The following AGBL1 variants were observed in gnomAD, a reference collection of about 807,000 sequenced individuals.
The protein encoded by AGBL1 is AGBL carboxypeptidase 1, also known as cytosolic carboxypeptidase 4.
A neutral mutation model predicts 118.9 loss-of-function variants in AGBL1; 130 were observed. The observed-to-expected ratio is 1.09, with a 90% CI of 0.95 to 1.26. The LOEUF is 1.26. Among genes scored for constraint, AGBL1 ranks in the 50% most tolerant of loss-of-function variants. The pLI is 0.00. For missense variants in AGBL1, 1,584 were observed against 1,298.1 expected, an observed-to-expected ratio of 1.22 and a Z score of -3.38; for synonymous variants, 555 against 478.9, an observed-to-expected ratio of 1.16 and a Z score of -2.08.
chr15:86,213,779 G>C (rs945160862), intron 5 of AGBL1, among the ~76,000 whole-genome samples: 2 of 151,976 alleles, frequency 1.3e-5, no homozygotes, highest in African/African-American at 4.8e-5. Context: ...CCTAAAATTT[G>C]CCGTTTAAAA....
At chr15:86,280,352 C>A (rs1377884011) in intron 16 of AGBL1, among the ~76,000 whole-genome samples, 1 of 152,132 alleles carries the variant, frequency 6.6e-6, no homozygotes, top group Non-Finnish European at 1.5e-5. Flanking sequence ...CAGACAGCCA[C>A]AATCTTTTTA....
chr15:86,979,472 ACTTTCTTTTTTT>A (rs1475713621), intron 23 of AGBL1, among the ~76,000 whole-genome samples: 1 of 151,328 alleles, frequency 6.6e-6, no homozygotes, highest in Non-Finnish European at 1.5e-5. Flanking sequence ...ATGTAGAGGC[ACTTTCTTTTTTT>A]CTTTCTTTTT....
chr15:86,975,602 C>T (rs886865247), intron 23 of AGBL1, among the ~76,000 whole-genome samples: 17 of 152,160 alleles, frequency 1.1e-4, no homozygotes, highest in Non-Finnish European at 8.8e-5. Context: ...GCTCCAACCT[C>T]ATCAGCAAAT....
intron 22 of AGBL1, among the ~76,000 whole-genome samples, chr15:86,895,140 C>G (rs1470964579): frequency 6.6e-6 from 1 of 150,478 alleles, no homozygotes; most frequent in East Asian, 2.0e-4. Context: ...ACTTTCTTCT[C>G]TTTCTCTTTT....
At chr15:86,538,899 G>T (rs1234141971) in intron 19 of AGBL1, among the ~76,000 whole-genome samples, 2 of 152,228 alleles carry the variant, frequency 1.3e-5, no homozygotes, top group Non-Finnish European at 2.9e-5. Context: ...ACTTGCAGAG[G>T]AACTAGAATG....
chr15:86,534,135 G>T (rs201910248), intron 19 of AGBL1, among the ~76,000 whole-genome samples: 244 of 90,222 alleles, frequency 2.7e-3, no homozygotes, highest in Non-Finnish European at 3.4e-3. Flanking sequence ...AAAAAAAAAA[G>T]ATTGTCCTTT....
Position 86,102,042 on chromosome 15 carries a change from T to C in AGBL1, c.51+22019T>C, listed in dbSNP as rs187523086. 2.4e-3 allele frequency among the ~76,000 whole-genome samples: 343 copies of C among 140,604 alleles called. 5 individuals carry two copies. The highest frequency in any genetic ancestry group is 0.015 in the East Asian group (75 of 5,054). 92.2% of individuals were successfully genotyped at this position (140,604 alleles called of 152,430 possible). Reference sequence around the variant, plus strand: ...TTGAATCCTTTCTCTCTCTCTCTCTTTTTTTTTTTTTTAATTGAGATGGAG... The same window carrying C: ...TTGAATCCTTTCTCTCTCTCTCTCTCTTTTTTTTTTTTAATTGAGATGGAG... On this transcript the variant is annotated intron_variant, in intron 1 of 22. Coordinates refer to ENST00000614907, the MANE Select transcript of AGBL1 (RefSeq NM_001386094.1).
intron 22 of AGBL1, among the ~76,000 whole-genome samples, chr15:86,757,240 C>T (rs2141264683): frequency 6.6e-6 from 1 of 152,186 alleles, no homozygotes; most frequent in East Asian, 1.9e-4. Flanking sequence ...CTTGATGTTG[C>T]TATTACTGCT....
At chr15:86,939,000 G>A (rs1430726746) in intron 23 of AGBL1, 1 of 152,392 alleles carries the variant, frequency 6.6e-6, no homozygotes, top group East Asian at 1.9e-4. Flanking sequence ...CACATTCACT[G>A]TCACATCCTT....
chr15:87,028,668 C>T (rs28474944), intron 24 of AGBL1, among the ~76,000 whole-genome samples: 5,566 of 152,016 alleles, frequency 0.037, 333 homozygotes, highest in African/African-American at 0.13. Context: ...ATATCTCTTA[C>T]ATCTCTAATC....
At chr15:86,448,819 G>T (rs1176151421) in intron 18 of AGBL1, among the ~76,000 whole-genome samples, 1 of 152,000 alleles carries the variant, frequency 6.6e-6, no homozygotes, top group African/African-American at 2.4e-5. Flanking sequence ...GTTACTATGG[G>T]ACTTAGTGTG....
chr15:86,455,257 G>T (rs8023429), intron 18 of AGBL1, among the ~76,000 whole-genome samples: 69,745 of 151,968 alleles, frequency 0.46, 16,833 homozygotes, highest in Middle Eastern at 0.57. Flanking sequence ...CATAAATATT[G>T]ATTGAGTAGT....
intron 22 of AGBL1, among the ~76,000 whole-genome samples, chr15:86,801,836 T>A (rs1486167833): frequency 6.6e-6 from 1 of 152,110 alleles, no homozygotes; most frequent in African/African-American, 2.4e-5. Context: ...TTGCTGTGGT[T>A]ATTACATGTG....
At position 86,546,056 on chromosome 15, in the gene AGBL1, TGTA is replaced by T. The variant is rs1461086463; in HGVS notation, c.2742_2744del (p.Ser915del). On this transcript the variant is annotated inframe_deletion, in exon 20 of 23. Coordinates refer to ENST00000614907, the MANE Select transcript of AGBL1 (RefSeq NM_001386094.1). ...AAAGAAGAATGTGTTCCTTTATGGC[TGTA>T]GCATCAAGGAAACCTTGTGGCAAGC... The T allele has an allele frequency of 1.9e-6, 3 of 1,613,248 alleles. No individual in the cohort carries two copies. Among genetic ancestry groups the T allele is most frequent in the Non-Finnish European group, 2.5e-6 (3 of 1,179,496 alleles).
chr15:87,025,351 A>G (rs116925092), intron 24 of AGBL1, among the ~76,000 whole-genome samples: 4,362 of 152,114 alleles, frequency 0.029, 86 homozygotes, highest in Middle Eastern at 0.058. Flanking sequence ...CAAGCTGAGA[A>G]TTAGATCAAG....
At chr15:86,706,980 A>G (rs1226377691) in intron 22 of AGBL1, among the ~76,000 whole-genome samples, 3 of 152,138 alleles carry the variant, frequency 2.0e-5, no homozygotes, top group Non-Finnish European at 4.4e-5. Flanking sequence ...ATGAATAGAT[A>G]TAATAAGAGA....
At position 86,247,659 on chromosome 15, in the gene AGBL1, C is replaced by G; in HGVS notation, c.527-12C>G. 6.3e-7 allele frequency: 1 copy of G among 1,588,054 alleles called. No individual in the cohort carries two copies. The stretch of plus-strand genomic sequence containing the variant: ...AGCCTGTGACTGACCCTGCCTTTCC[C>G]TTTGTTTTCAGAGTCGAACGGCCGC... On this transcript the variant is annotated splice_polypyrimidine_tract_variant and intron_variant, in intron 6 of 22. Coordinates refer to ENST00000614907, the MANE Select transcript of AGBL1 (RefSeq NM_001386094.1).
rs183303360 is a variant in AGBL1 at position 86,284,617 on chromosome 15, A to G, written c.2220+4834A>G. Among the ~76,000 whole-genome samples, 95 of 152,270 alleles carry G rather than the reference A, an allele frequency of 6.2e-4. 1 individual carries two copies. In the East Asian group the frequency reaches 0.018, roughly 28 times the overall value. On this transcript the variant is annotated intron_variant, in intron 16 of 22. Transcript: ENST00000614907. The stretch of plus-strand genomic sequence containing the variant: ...ACAACTGAGATCTAGGCAGTAGACA[A>G]ATAAAGTAGGCCATCTCCTTAGGAG...
At chr15:87,031,294 A>C (rs1355311568), downstream of AGBL1, among the ~76,000 whole-genome samples, 1 of 152,014 alleles carries the variant, frequency 6.6e-6, no homozygotes, top group African/African-American at 2.4e-5. Flanking sequence ...AAGATTAGTC[A>C]ACGGCAAAAT....
Sources: gnomAD v4.1 joint callset for allele counts (sites outside exome capture counted in the v4.1 genomes callset) on GRCh38, gnomAD v4.1.1 for gene constraint, MANE v1.5 for transcripts, NCBI Gene and HGNC (gene_info 2026-07-23, HGNC 2026-07-21) for gene names.